The following UBE3C variants were observed in gnomAD, a reference collection of about 807,000 sequenced individuals.
UBE3C encodes ubiquitin protein ligase E3C, also known as ubiquitin-protein ligase E3C.
Under a neutral mutation model 129.4 loss-of-function variants are expected in UBE3C, and 42 were observed. The observed-to-expected ratio is 0.32, with a 90% CI of 0.25 to 0.42. UBE3C has a LOEUF of 0.42. UBE3C is among the 10% of genes least tolerant of loss of function. UBE3C has a pLI of 1.00. For synonymous variants in UBE3C, 510 were observed against 492.4 expected (o/e 1.04, Z -0.47); for missense variants, 1,049 against 1,319.1 (o/e 0.80, Z 3.17).
intron 10 of UBE3C, chr7:157,198,034 C>G: frequency 1.2e-6 from 2 of 1,605,762 alleles, no homozygotes. Context: ...CCACCATGAA[C>G]AAGGCACTGA....
chr7:157,207,461 T>C lies in UBE3C; in HGVS notation c.1482T>C (p.Ser494=), dbSNP rs760232623. Residue 494 remains serine, a synonymous_variant, in exon 12 of 23, where the codon AGT becomes AGC. Coordinates refer to ENST00000348165, the MANE Select transcript of UBE3C (RefSeq NM_014671.3). ...RGSPMSFEDS[S]RIIPLFYLFS... ...CTCCTATGTCTTTTGAAGATTCTAG[T>C]CGAATCATCCCACTCTTTTATCTTT... is the stretch of plus-strand genomic sequence containing the variant. 2 of 1,614,104 alleles carry C rather than the reference T, an allele frequency of 1.2e-6. No individual in the cohort carries two copies. The highest frequency in any genetic ancestry group is 1.7e-6 in the Non-Finnish European group (2 of 1,180,032).
chr7:157,165,277 G>C (rs773868155), intron 2 of UBE3C, among the ~76,000 whole-genome samples: 1 of 151,260 alleles, frequency 6.6e-6, no homozygotes, highest in Non-Finnish European at 1.5e-5. Context: ...CCTTTGCGTC[G>C]TTTCCCATAT....
At chr7:157,190,421 C>T (rs1452825726) in intron 10 of UBE3C, among the ~76,000 whole-genome samples, 3 of 152,078 alleles carry the variant, frequency 2.0e-5, no homozygotes, top group Admixed American at 6.6e-5. Context: ...CCACCAGTGA[C>T]GTGTGTTTTA....
chr7:157,150,507 T>C (rs1162030023), intron 1 of UBE3C, among the ~76,000 whole-genome samples: 1 of 152,196 alleles, frequency 6.6e-6, no homozygotes, highest in Admixed American at 6.5e-5. Context: ...GAAAGGTGAT[T>C]TATGGCATTA....
chr7:157,140,881 G>A (rs114813402), intron 1 of UBE3C, among the ~76,000 whole-genome samples: 142 of 152,304 alleles, frequency 9.3e-4, no homozygotes, highest in African/African-American at 3.3e-3. Flanking sequence ...TTTTATTGAG[G>A]TATAACTTAA....
chr7:157,151,612 A>G (rs1009073220), intron 1 of UBE3C, among the ~76,000 whole-genome samples: 1 of 152,158 alleles, frequency 6.6e-6, no homozygotes, highest in Non-Finnish European at 1.5e-5. Context: ...CGGAAATACT[A>G]TCTATTAAGC....
At chr7:157,201,927 A>G in intron 11 of UBE3C, 120 bp downstream of exon 11, 1 of 783,400 alleles carries the variant, frequency 1.3e-6, no homozygotes, top group South Asian at 1.6e-5. Flanking sequence ...TCATATTAGA[A>G]GGTAAGTTCC....
intron 17 of UBE3C, among the ~76,000 whole-genome samples, chr7:157,228,666 C>A (rs983347694): frequency 6.6e-6 from 1 of 152,200 alleles, no homozygotes; most frequent in African/African-American, 2.4e-5. Context: ...GGACACTGAC[C>A]CAGAGGTGGC....
At chr7:157,181,775 T>C in intron 7 of UBE3C, 104 bp downstream of exon 7, 1 of 1,435,500 alleles carries the variant, frequency 7.0e-7, no homozygotes, top group Non-Finnish European at 9.5e-7. Flanking sequence ...GAAATTCAGG[T>C]TTTTACTTTA....
At chr7:157,232,351 A>AGTTTGTTTGTTT (rs371024243) in intron 18 of UBE3C, among the ~76,000 whole-genome samples, 1 of 151,960 alleles carries the variant, frequency 6.6e-6, no homozygotes, top group South Asian at 2.1e-4. Context: ...AATTGTTATT[A>AGTTTGTTTGTTT]GTTTGTTTGT....
intron 10 of UBE3C, among the ~76,000 whole-genome samples, chr7:157,192,138 T>G (rs984507934): frequency 3.9e-5 from 6 of 152,234 alleles, no homozygotes; most frequent in African/African-American, 1.4e-4. Context: ...CTTGCCTTCG[T>G]CAGCTTCAGC....
At chr7:157,157,971 TAG>T (rs1807958434) in intron 1 of UBE3C, among the ~76,000 whole-genome samples, 1 of 107,634 alleles carries the variant, frequency 9.3e-6, no homozygotes, top group Non-Finnish European at 1.7e-5. Context: ...CAGATATATA[TAG>T]ATATATATAT....
intron 17 of UBE3C, among the ~76,000 whole-genome samples, chr7:157,229,426 T>C (rs1795962778): frequency 1.3e-5 from 2 of 152,122 alleles, no homozygotes; most frequent in Non-Finnish European, 2.9e-5. Flanking sequence ...GCGATTCTCC[T>C]GCCTCAGCCT....
At chr7:157,264,447 A>C (rs1351871321) in intron 22 of UBE3C, among the ~76,000 whole-genome samples, 1 of 126,480 alleles carries the variant, frequency 7.9e-6, no homozygotes. Flanking sequence ...GTGTGAGCCA[A>C]CATGCTCGGC....
chr7:157,222,154 A>C (rs963284341), intron 15 of UBE3C: 2 of 152,216 alleles, frequency 1.3e-5, no homozygotes, highest in African/African-American at 4.8e-5. Context: ...TACAGGTGTG[A>C]GCCACTGCAC....
At chr7:157,214,702 G>T (rs989495229) in intron 13 of UBE3C, among the ~76,000 whole-genome samples, 2 of 152,200 alleles carry the variant, frequency 1.3e-5, no homozygotes, top group African/African-American at 4.8e-5. Context: ...TGTGTGCTCT[G>T]TGTGGACTAC....
intron 6 of UBE3C, among the ~76,000 whole-genome samples, chr7:157,180,316 C>T (rs1808634165): frequency 6.6e-6 from 1 of 152,124 alleles, no homozygotes; most frequent in African/African-American, 2.4e-5. Flanking sequence ...ATGTTAGTCA[C>T]TTTTTTAAAA....
At chr7:157,236,112 A>G (rs1398554796) in intron 18 of UBE3C, among the ~76,000 whole-genome samples, 1 of 152,236 alleles carries the variant, frequency 6.6e-6, no homozygotes, top group Non-Finnish European at 1.5e-5. Context: ...TCACTTCTCA[A>G]TTAAAAGTTC....
intron 18 of UBE3C, among the ~76,000 whole-genome samples, chr7:157,242,662 A>C (rs1255593449): frequency 6.6e-6 from 1 of 151,830 alleles, no homozygotes. Context: ...GTTCATGAAG[A>C]TGTTTTTTAT....
Sources: allele counts gnomAD v4.1 joint callset (sites outside exome capture counted in the v4.1 genomes callset), GRCh38; gene constraint gnomAD v4.1.1; transcripts MANE v1.5; gene names NCBI Gene and HGNC (gene_info 2026-07-23, HGNC 2026-07-21).